GRIP1: variants seen among roughly 807,000 people sequenced by gnomAD.
GRIP1 encodes the protein glutamate receptor-interacting protein 1.
GRIP1 carries 45 observed loss-of-function variants against 129.9 expected under a neutral mutation model. That is an observed-to-expected ratio of 0.35 (90% CI 0.27 to 0.44). The LOEUF (loss-of-function observed/expected upper bound fraction) is 0.44. GRIP1 is among the 20% of genes least tolerant of loss of function. The pLI, the probability that GRIP1 is intolerant of heterozygous loss-of-function variation, is 1.00. For missense variants in GRIP1, 1,196 were observed against 1,396.8 expected (o/e 0.86, Z 2.29); for synonymous variants, 530 against 520.8 (o/e 1.02, Z -0.24).
intron 1 of GRIP1, among the ~76,000 whole-genome samples, chr12:66,853,402 G>T (rs1313506084): frequency 6.6e-6 from 1 of 151,894 alleles, no homozygotes; most frequent in African/African-American, 2.4e-5. Flanking sequence ...AGAGAAACTA[G>T]CAGGGCAAAC....
chr12:66,869,311 A>G (rs2040256844), intron 1 of GRIP1, among the ~76,000 whole-genome samples: 1 of 152,034 alleles, frequency 6.6e-6, no homozygotes, highest in Non-Finnish European at 1.5e-5. Context: ...TGCTTCACTC[A>G]TCTACTAGAA....
At position 66,598,340 on chromosome 12, in the gene GRIP1, C is replaced by T. The variant is rs942905373; in HGVS notation, c.56-1413G>A. 7.9e-5 allele frequency among the ~76,000 whole-genome samples: 12 copies of T among 152,232 alleles called. No individual in the cohort carries two copies. The South Asian group carries it at 1.9e-3, about 24-fold the overall frequency. On this transcript the variant is annotated intron_variant, in intron 1 of 24. Coordinates refer to ENST00000359742, the MANE Select transcript of GRIP1 (RefSeq NM_001366722.1). ...CAATTAACTTAAAAAATAGAAGTCA[C>T]GCTGTTTCATGTTTATATTTAATTT...
intron 1 of GRIP1, among the ~76,000 whole-genome samples, chr12:66,697,205 C>T (rs1000548346): frequency 6.6e-6 from 1 of 152,126 alleles, no homozygotes; most frequent in Non-Finnish European, 1.5e-5. Flanking sequence ...GGAAAAAAGA[C>T]CAATTTTCCT....
At chr12:66,648,101 T>G (rs895869221) in intron 1 of GRIP1, among the ~76,000 whole-genome samples, 5 of 152,112 alleles carry the variant, frequency 3.3e-5, no homozygotes, top group African/African-American at 1.2e-4. Flanking sequence ...AGTGCCTTCT[T>G]GCTACCGAGG....
chr12:66,887,060 G>A lies in GRIP1; in HGVS notation c.58+181990C>T, dbSNP rs546561284. ...TTCAAATCTGGAAAGTTGGGGAATC[G>A]AGAAAGTAAAGCAATTAAAACTGTG... On this transcript the variant is annotated intron_variant, in intron 1 of 1. Coordinates refer to the GRIP1 transcript ENST00000643019. 3.9e-5 allele frequency among the ~76,000 whole-genome samples: 6 copies of A among 152,310 alleles called. 1 individual carries two copies. The highest frequency in any genetic ancestry group is 1.4e-4 in the African/African-American group (6 of 41,568).
At chr12:66,945,352 G>A (rs2041650882) in intron 1 of GRIP1, among the ~76,000 whole-genome samples, 1 of 152,164 alleles carries the variant, frequency 6.6e-6, no homozygotes, top group Non-Finnish European at 1.5e-5. Context: ...CACAGAGCCT[G>A]CACTAACCTG....
At chr12:66,473,137 G>A (rs1407293968) in intron 7 of GRIP1, among the ~76,000 whole-genome samples, 1 of 152,102 alleles carries the variant, frequency 6.6e-6, no homozygotes, top group African/African-American at 2.4e-5. Flanking sequence ...GAAGTTTGGT[G>A]GGGGGAGGGG....
At chr12:66,650,463 A>G (rs1412287929) in intron 1 of GRIP1, among the ~76,000 whole-genome samples, 1 of 152,148 alleles carries the variant, frequency 6.6e-6, no homozygotes, top group African/African-American at 2.4e-5. Flanking sequence ...TGAGTATGCT[A>G]TGTTATGGAA....
chr12:66,932,834 A>T (rs555244798), intron 1 of GRIP1, among the ~76,000 whole-genome samples: 19 of 151,930 alleles, frequency 1.3e-4, no homozygotes, highest in African/African-American at 4.6e-4. Flanking sequence ...GCGCCCAGCT[A>T]ATTTTTGTGT....
chr12:66,427,408 C>T (rs1013319906), intron 14 of GRIP1, among the ~76,000 whole-genome samples: 2 of 151,992 alleles, frequency 1.3e-5, no homozygotes, highest in African/African-American at 4.8e-5. Context: ...CACCACCCCC[C>T]AAACATAGAA....
intron 1 of GRIP1, among the ~76,000 whole-genome samples, chr12:66,914,955 C>T (rs2041095586): frequency 6.6e-6 from 1 of 152,042 alleles, no homozygotes; most frequent in Non-Finnish European, 1.5e-5. Context: ...AGTGACCCCG[C>T]CTCCCCTCGC....
At chr12:66,948,807 A>T (rs2041710698) in intron 1 of GRIP1, among the ~76,000 whole-genome samples, 1 of 152,144 alleles carries the variant, frequency 6.6e-6, no homozygotes, top group Non-Finnish European at 1.5e-5. Context: ...TTGCATTAGG[A>T]ACAAATTCCT....
intron 1 of GRIP1, among the ~76,000 whole-genome samples, chr12:66,704,722 T>C (rs1328741152): frequency 6.6e-6 from 1 of 152,118 alleles, no homozygotes; most frequent in Non-Finnish European, 1.5e-5. Context: ...ATTAATTACA[T>C]TGGAATGATT....
At chr12:66,946,353 G>C (rs1475225054) in intron 1 of GRIP1, among the ~76,000 whole-genome samples, 1 of 152,140 alleles carries the variant, frequency 6.6e-6, no homozygotes, top group African/African-American at 2.4e-5. Flanking sequence ...TGAGATTGCA[G>C]ACTATCCTTA....
chr12:66,922,439 C>A (rs757436800), intron 1 of GRIP1, among the ~76,000 whole-genome samples: 3 of 152,158 alleles, frequency 2.0e-5, no homozygotes, highest in Admixed American at 6.6e-5. Context: ...TGTACCCATA[C>A]ATTGTCAAAT....
intron 19 of GRIP1, among the ~76,000 whole-genome samples, chr12:66,389,956 C>G (rs906024140): frequency 3.9e-5 from 6 of 152,204 alleles, no homozygotes; most frequent in Non-Finnish European, 7.3e-5. Context: ...GACCCAATAG[C>G]TGTCTTCGAG....
intron 1 of GRIP1, among the ~76,000 whole-genome samples, chr12:66,710,005 A>G (rs190284734): frequency 6.4e-4 from 97 of 152,110 alleles, no homozygotes; most frequent in African/African-American, 2.3e-3. Context: ...TTCTCATCAC[A>G]TCACATCAAG....
At chr12:66,995,977 T>C (rs758387428) in intron 1 of GRIP1, among the ~76,000 whole-genome samples, 1 of 152,146 alleles carries the variant, frequency 6.6e-6, no homozygotes, top group Non-Finnish European at 1.5e-5. Flanking sequence ...GGTATATACA[T>C]ACGATGGAAT....
intron 1 of GRIP1, among the ~76,000 whole-genome samples, chr12:66,881,001 T>A (rs932300126): frequency 7.2e-5 from 11 of 151,926 alleles, no homozygotes; most frequent in Non-Finnish European, 1.2e-4. Flanking sequence ...TCTGTTTTTT[T>A]TTTTTCCTCT....
Sources: allele counts gnomAD v4.1 joint callset (sites outside exome capture counted in the v4.1 genomes callset), GRCh38; gene constraint gnomAD v4.1.1; transcripts MANE v1.5; gene names NCBI Gene and HGNC (gene_info 2026-07-23, HGNC 2026-07-21).